Variants in DNER observed in about 807,000 individuals in gnomAD.
DNER encodes the protein delta/notch like EGF repeat containing.
A neutral mutation model predicts 78.2 loss-of-function variants in DNER; 33 were observed. That is an observed-to-expected ratio of 0.42 (90% CI 0.32 to 0.56). The LOEUF is 0.56. Ranked by LOEUF, DNER falls within the 20% of genes least tolerant of loss-of-function variation. The pLI is 0.11. For synonymous variants in DNER, 417 were observed against 384.8 expected, an observed-to-expected ratio of 1.08 and a Z score of -0.98; for missense variants, 918 against 975.3, an observed-to-expected ratio of 0.94 and a Z score of 0.78.
chr2:229,637,215 A>C (rs188522621), intron 1 of DNER, among the ~76,000 whole-genome samples: 5 of 152,372 alleles, frequency 3.3e-5, no homozygotes, highest in Admixed American at 3.3e-4. Context: ...TGGTAATACA[A>C]TATCTACCCA....
intron 8 of DNER, 135 bp downstream of exon 8, chr2:229,447,177 ATACT>A (rs1275385290): frequency 4.9e-6 from 4 of 809,432 alleles, no homozygotes; most frequent in East Asian, 2.7e-5. Context: ...ATCAGTAAGT[ATACT>A]TACTTACAAG....
At chr2:229,470,625 G>A (rs969188708) in intron 7 of DNER, among the ~76,000 whole-genome samples, 15 of 152,268 alleles carry the variant, frequency 9.9e-5, no homozygotes, top group Admixed American at 2.6e-4. Flanking sequence ...TGAGGTGGGC[G>A]GATCACCTGA....
intron 1 of DNER, among the ~76,000 whole-genome samples, chr2:229,631,571 C>A (rs1698434425): frequency 6.6e-6 from 1 of 152,146 alleles, no homozygotes; most frequent in South Asian, 2.1e-4. Flanking sequence ...GCATACTGAG[C>A]ATTATTATTT....
At chr2:229,491,568 G>C (rs890768754) in intron 6 of DNER, among the ~76,000 whole-genome samples, 1 of 152,200 alleles carries the variant, frequency 6.6e-6, no homozygotes, top group Admixed American at 6.5e-5. Context: ...TCCCCTGATA[G>C]TCACACTGTT....
chr2:229,500,482 CA>C (rs1695595930), intron 6 of DNER, among the ~76,000 whole-genome samples: 1 of 152,090 alleles, frequency 6.6e-6, no homozygotes, highest in African/African-American at 2.4e-5. Flanking sequence ...TTAAGTTCCT[CA>C]AAAAACTAAA....
chr2:229,632,675 G>C (rs950666680), intron 1 of DNER, among the ~76,000 whole-genome samples: 1 of 152,150 alleles, frequency 6.6e-6, no homozygotes. Flanking sequence ...GTACTATTTA[G>C]ACTGCAGTGT....
intron 7 of DNER, among the ~76,000 whole-genome samples, chr2:229,465,991 T>C (rs1013478489): frequency 6.6e-6 from 1 of 152,108 alleles, no homozygotes; most frequent in Non-Finnish European, 1.5e-5. Context: ...CTATCTCCAT[T>C]GTCACCTCTG....
At position 229,484,395 on chromosome 2, in the gene DNER, C is replaced by A. The variant is rs1232714391; in HGVS notation, c.1148-7142G>T. Among the ~76,000 whole-genome samples the A allele has an allele frequency of 2.0e-5, 3 of 152,202 alleles. No individual in the cohort carries two copies. The East Asian group carries it at 5.8e-4, about 29-fold the overall frequency. On this transcript the variant is annotated intron_variant, in intron 6 of 12. Coordinates refer to ENST00000341772, the MANE Select transcript of DNER (RefSeq NM_139072.4). ...CAACTGTCCTGCTAAAGGGCCCCTT[C>A]CTTTCTAGGCAGACTGAGATCAGTA...
chr2:229,556,083 A>G (rs1435738849), intron 4 of DNER, among the ~76,000 whole-genome samples: 1 of 152,224 alleles, frequency 6.6e-6, no homozygotes, highest in East Asian at 1.9e-4. Context: ...GATTAGTTTT[A>G]AAGTCCTATT....
At chr2:229,688,640 G>A (rs910928278) in intron 1 of DNER, among the ~76,000 whole-genome samples, 2 of 152,156 alleles carry the variant, frequency 1.3e-5, no homozygotes, top group African/African-American at 2.4e-5. Context: ...AAGCACATAT[G>A]AAGATTTAAT....
chr2:229,595,049 A>C (rs1332778729), intron 1 of DNER, among the ~76,000 whole-genome samples: 2 of 151,520 alleles, frequency 1.3e-5, no homozygotes, highest in African/African-American at 4.8e-5. Context: ...AAAAGTTTAC[A>C]TCTAGTAACC....
At chr2:229,544,543 A>T (rs971697085) in intron 5 of DNER, among the ~76,000 whole-genome samples, 17 of 151,432 alleles carry the variant, frequency 1.1e-4, no homozygotes, top group Non-Finnish European at 1.8e-4. Flanking sequence ...TTATTTATTT[A>T]TTTTTTGAGA....
intron 8 of DNER, among the ~76,000 whole-genome samples, chr2:229,428,089 A>G (rs1009849490): frequency 1.1e-4 from 17 of 151,712 alleles, no homozygotes; most frequent in Non-Finnish European, 2.2e-4. Context: ...AAAAAAAAAA[A>G]AAAGAGAAAA....
intron 9 of DNER, among the ~76,000 whole-genome samples, chr2:229,410,712 A>T (rs7574590): frequency 2.0e-5 from 3 of 152,264 alleles, no homozygotes; most frequent in Admixed American, 1.3e-4. Flanking sequence ...TTCCAACAGC[A>T]TTCTTTACAG....
At chr2:229,378,514 C>G (rs1427250770) in intron 11 of DNER, among the ~76,000 whole-genome samples, 1 of 152,182 alleles carries the variant, frequency 6.6e-6, no homozygotes. Flanking sequence ...GGAAGACAGG[C>G]AAGCAATGTG....
At chr2:229,620,559 G>C (rs1382622926) in intron 1 of DNER, among the ~76,000 whole-genome samples, 1 of 152,204 alleles carries the variant, frequency 6.6e-6, no homozygotes, top group Non-Finnish European at 1.5e-5. Context: ...TCTGCGGTTT[G>C]GGGTGCTCGG....
At chr2:229,689,594 C>T (rs1319218612) in intron 1 of DNER, among the ~76,000 whole-genome samples, 11 of 152,148 alleles carry the variant, frequency 7.2e-5, no homozygotes, top group South Asian at 2.1e-4. Context: ...GTGTGAAAAT[C>T]CCTTGGCACT....
At chr2:229,440,459 C>T (rs1000140687) in intron 8 of DNER, among the ~76,000 whole-genome samples, 5 of 152,122 alleles carry the variant, frequency 3.3e-5, no homozygotes, top group Admixed American at 6.5e-5. Context: ...TCACTGCTGG[C>T]TCCTCTGCCC....
chr2:229,572,338 C>T (rs975856254), intron 4 of DNER, among the ~76,000 whole-genome samples: 1 of 152,218 alleles, frequency 6.6e-6, no homozygotes, highest in Admixed American at 6.5e-5. Flanking sequence ...TGAATAGACA[C>T]TCCTTGATCT....
Sources: allele counts gnomAD v4.1 joint callset (sites outside exome capture counted in the v4.1 genomes callset), GRCh38; gene constraint gnomAD v4.1.1; transcripts MANE v1.5; gene names NCBI Gene and HGNC (gene_info 2026-07-23, HGNC 2026-07-21).